Variants in ABCG2 observed in about 807,000 individuals in gnomAD.
ABCG2 encodes ATP binding cassette subfamily G member 2 (JR blood group).
ABCG2 carries 80 observed loss-of-function variants against 73.5 expected under a neutral mutation model. The observed-to-expected ratio is 1.09, with a 90% confidence interval of 0.91 to 1.31. The LOEUF is 1.31. ABCG2 is among the 50% of genes most tolerant of loss of function. ABCG2 has a pLI of 0.00. For missense variants in ABCG2, 796 were observed against 786.2 expected, an observed-to-expected ratio of 1.01 and a Z score of -0.15; for synonymous variants, 269 against 282.4, an observed-to-expected ratio of 0.95 and a Z score of 0.48.
At chr4:88,112,437 T>A (rs1000255944) in intron 9 of ABCG2, among the ~76,000 whole-genome samples, 10 of 149,936 alleles carry the variant, frequency 6.7e-5, no homozygotes, top group African/African-American at 1.9e-4. Flanking sequence ...TCCCTACTTC[T>A]CTCTCTTCCT....
In ABCG2 at chr4:88,130,488, T is replaced by C. The variant is rs528090496; in HGVS notation, c.531+573A>G. On this transcript the variant is annotated intron_variant, in intron 5 of 15. Coordinates refer to ENST00000237612, the MANE Select transcript of ABCG2 (RefSeq NM_004827.3). ...ATTATATATTACAATGAAATAATAA[T>C]AGAAATAAAGTGTACAATAAATGTA... 4.5e-4 allele frequency among the ~76,000 whole-genome samples: 69 copies of C among 152,176 alleles called. 1 individual carries two copies. Among genetic ancestry groups the C allele is most frequent in the African/African-American group, 1.5e-3 (64 of 41,530 alleles).
intron 6 of ABCG2, among the ~76,000 whole-genome samples, chr4:88,119,682 A>G (rs1399089952): frequency 6.6e-6 from 1 of 152,234 alleles, no homozygotes; most frequent in African/African-American, 2.4e-5. Context: ...TGAACTTGAG[A>G]GAGATGATTT....
chr4:88,160,405 C>T (rs950330572), upstream of ABCG2, among the ~76,000 whole-genome samples: 3 of 151,972 alleles, frequency 2.0e-5, no homozygotes, highest in Non-Finnish European at 4.4e-5. Context: ...AAAATGAAAA[C>T]ATTTCCAGCA....
At chr4:88,176,290 C>A (rs1282848985) in intron 1 of ABCG2, among the ~76,000 whole-genome samples, 1 of 151,910 alleles carries the variant, frequency 6.6e-6, no homozygotes, top group Non-Finnish European at 1.5e-5. Context: ...CCACTGTACC[C>A]AGCCTGATAT....
chr4:88,187,172 T>TG (rs1235320924), intron 1 of ABCG2, among the ~76,000 whole-genome samples: 1 of 148,588 alleles, frequency 6.7e-6, no homozygotes, highest in Non-Finnish European at 1.5e-5. Flanking sequence ...GAAGTGGGGT[T>TG]GGTTAATGGG....
At chr4:88,146,405 T>G (rs1429981411) in intron 1 of ABCG2, among the ~76,000 whole-genome samples, 1 of 151,802 alleles carries the variant, frequency 6.6e-6, no homozygotes, top group Non-Finnish European at 1.5e-5. Context: ...TTTTTTTTTC[T>G]TTTTTCAAGA....
chr4:88,157,909 G>T (rs1727058161), intron 1 of ABCG2, among the ~76,000 whole-genome samples: 1 of 152,116 alleles, frequency 6.6e-6, no homozygotes, highest in South Asian at 2.1e-4. Context: ...TTACAAAAGG[G>T]AGTTCAATAA....
intron 1 of ABCG2, among the ~76,000 whole-genome samples, chr4:88,213,210 T>C (rs1013256013): frequency 2.0e-5 from 3 of 152,224 alleles, no homozygotes; most frequent in Non-Finnish European, 4.4e-5. Flanking sequence ...TGTAATTATC[T>C]GATTTTAAAT....
chr4:88,227,921 C>T (rs1437452684), intron 1 of ABCG2, among the ~76,000 whole-genome samples: 5 of 152,120 alleles, frequency 3.3e-5, no homozygotes, highest in Non-Finnish European at 1.5e-5. Flanking sequence ...TAAGAGCAAA[C>T]CAGCGTTGAG....
chr4:88,190,895 A>G (rs1312384929), intron 1 of ABCG2, among the ~76,000 whole-genome samples: 2 of 152,044 alleles, frequency 1.3e-5, no homozygotes, highest in Admixed American at 1.3e-4. Flanking sequence ...CAGATTATAT[A>G]AAGAACCATT....
chr4:88,137,584 C>A (rs1725341341), intron 2 of ABCG2, among the ~76,000 whole-genome samples: 2 of 152,134 alleles, frequency 1.3e-5, no homozygotes, highest in South Asian at 2.1e-4. Flanking sequence ...TGACCCAAGG[C>A]CCTGAGGACC....
intron 1 of ABCG2, among the ~76,000 whole-genome samples, chr4:88,225,409 A>C (rs1730171270): frequency 6.6e-6 from 1 of 152,224 alleles, no homozygotes; most frequent in South Asian, 2.1e-4. Context: ...GGCTTGGAGG[A>C]AGGCAATGTG....
intron 5 of ABCG2, among the ~76,000 whole-genome samples, chr4:88,127,865 G>A (rs945186742): frequency 3.3e-5 from 5 of 149,522 alleles, no homozygotes; most frequent in Non-Finnish European, 5.9e-5. Context: ...AAGACTTCAT[G>A]ACTAAAACAC....
At chr4:88,113,188 G>T in intron 9 of ABCG2, 115 bp downstream of exon 9, 1 of 1,335,984 alleles carries the variant, frequency 7.5e-7, no homozygotes. Context: ...ATCCCAGGTG[G>T]AGTGAAGATA....
chr4:88,222,379 C>T (rs1730043316), intron 1 of ABCG2, among the ~76,000 whole-genome samples: 1 of 152,186 alleles, frequency 6.6e-6, no homozygotes, highest in South Asian at 2.1e-4. Context: ...TGAATTCCCA[C>T]ATGTTGTGGG....
intron 1 of ABCG2, among the ~76,000 whole-genome samples, chr4:88,148,315 A>G (rs1726190599): frequency 6.6e-6 from 1 of 152,216 alleles, no homozygotes; most frequent in African/African-American, 2.4e-5. Flanking sequence ...AGAAAGGAGA[A>G]GAGAAAAAGC....
chr4:88,147,106 G>A (rs1370229742), intron 1 of ABCG2, among the ~76,000 whole-genome samples: 1 of 151,650 alleles, frequency 6.6e-6, no homozygotes, highest in Non-Finnish European at 1.5e-5. Context: ...GAGAGAAAAG[G>A]AAGGAAAGAA....
intron 1 of ABCG2, among the ~76,000 whole-genome samples, chr4:88,168,166 C>A (rs1282213516): frequency 6.6e-6 from 1 of 151,930 alleles, no homozygotes; most frequent in African/African-American, 2.4e-5. Context: ...AGACAAGAGA[C>A]CAATTAAGAA....
Position 88,091,901 on chromosome 4 carries a change from AAG to A in ABCG2, c.*331_*332del. 1 of 204,124 alleles carries A rather than the reference AAG, an allele frequency of 4.9e-6. No individual in the cohort carries two copies. Among genetic ancestry groups the A allele is most frequent in the Non-Finnish European group, 1.0e-5 (1 of 100,258 alleles). 12.6% of individuals were successfully genotyped at this position (204,124 alleles called of 1,614,324 possible). On this transcript the variant is annotated 3_prime_UTR_variant, in exon 16 of 16. Transcript: ENST00000237612. ...GCTACTAACCTACCTATTCATTTTA[AAG>A]ATGAGGAAACAAATGCCAGAGACAG...
Sources: gnomAD v4.1 joint callset for allele counts (sites outside exome capture counted in the v4.1 genomes callset) on GRCh38, gnomAD v4.1.1 for gene constraint, MANE v1.5 for transcripts, NCBI Gene and HGNC (gene_info 2026-07-23, HGNC 2026-07-21) for gene names.